The following SLC25A16 variants were observed in gnomAD, a reference collection of about 807,000 sequenced individuals.
The protein encoded by SLC25A16 is solute carrier family 25 member 16.
In SLC25A16, 39 loss-of-function variants were observed where a neutral mutation model predicts 41.5. The ratio of observed to expected loss-of-function variants is 0.94; its 90% confidence interval spans 0.73 to 1.23. The LOEUF is 1.23. Among genes scored for constraint, SLC25A16 ranks in the 50% most tolerant of loss-of-function variants. The pLI, the probability that SLC25A16 is intolerant of heterozygous loss-of-function variation, is 0.00. For missense variants in SLC25A16, 421 were observed against 426.9 expected (o/e 0.99, Z 0.12); for synonymous variants, 146 against 147.8 (o/e 0.99, Z 0.09).
intron 1 of SLC25A16, among the ~76,000 whole-genome samples, chr10:68,525,565 T>C (rs931075112): frequency 6.6e-6 from 1 of 152,188 alleles, no homozygotes; most frequent in African/African-American, 2.4e-5. Context: ...GCAGTCTTCC[T>C]GCCTCAGCTT....
chr10:68,484,392 T>G (rs187298005), intron 8 of SLC25A16, among the ~76,000 whole-genome samples: 17 of 151,672 alleles, frequency 1.1e-4, no homozygotes, highest in Non-Finnish European at 1.9e-4. Flanking sequence ...TCCCTTTCAA[T>G]AGGCAATCTG....
At position 68,494,393 on chromosome 10, in the gene SLC25A16, C is replaced by T. The variant is rs1225569418; in HGVS notation, c.422-823G>A. On this transcript the variant is annotated intron_variant, in intron 4 of 8. Coordinates refer to ENST00000609923, the MANE Select transcript of SLC25A16 (RefSeq NM_152707.4). ...AGGAGAATCACTTGAACCCAGGAGGCGGAGGTTGCAGTGAGCTAAGATCAC... is the reference window on the plus strand; with the variant it reads ...AGGAGAATCACTTGAACCCAGGAGGTGGAGGTTGCAGTGAGCTAAGATCAC... 1.1e-4 allele frequency among the ~76,000 whole-genome samples: 16 copies of T among 139,948 alleles called. 1 individual carries two copies. The highest frequency in any genetic ancestry group is 2.0e-4 in the Non-Finnish European group (13 of 64,162). The allele number at this position is 139,948 out of a possible 152,430, so 91.8% of individuals were successfully genotyped here. A position where few individuals can be genotyped will look rare whatever the true frequency, so the allele number is the denominator to read the frequency against.
chr10:68,504,773 C>A (rs570765936), intron 3 of SLC25A16, among the ~76,000 whole-genome samples: 1 of 152,058 alleles, frequency 6.6e-6, no homozygotes, highest in South Asian at 2.1e-4. Context: ...CTCCGTATCC[C>A]GGGTTCAAGC....
At chr10:68,503,588 G>A (rs377392951) in intron 4 of SLC25A16, 44 bp downstream of exon 4, 2 of 1,251,580 alleles carry the variant, frequency 1.6e-6, no homozygotes, top group African/African-American at 1.5e-5. Context: ...TATTTTAATA[G>A]AAAATTAATT....
At chr10:68,523,359 C>T (rs2053280101) in intron 1 of SLC25A16, among the ~76,000 whole-genome samples, 1 of 152,094 alleles carries the variant, frequency 6.6e-6, no homozygotes, top group African/African-American at 2.4e-5. Context: ...TCCCAAAGTG[C>T]TGAGAATAGA....
chr10:68,519,845 G>T (rs990564075), intron 1 of SLC25A16, among the ~76,000 whole-genome samples: 3 of 151,378 alleles, frequency 2.0e-5, no homozygotes, highest in African/African-American at 7.3e-5. Flanking sequence ...AACCCGGGAG[G>T]CATAGGTGGC....
chr10:68,494,246 T>G (rs1217824262), intron 4 of SLC25A16, among the ~76,000 whole-genome samples: 2 of 151,298 alleles, frequency 1.3e-5, no homozygotes, highest in South Asian at 2.1e-4. Flanking sequence ...AGGTGGATTA[T>G]GAGGTCAAGA....
chr10:68,503,822 C>T (rs10823215), intron 3 of SLC25A16, 127 bp from the exon 4 acceptor site: 108,831 of 669,644 alleles, frequency 0.16, 10,072 homozygotes, highest in Admixed American at 0.32. Context: ...TAAATGTGAA[C>T]GAAATGAGCA....
chr10:68,510,645 C>G (rs1290937065), intron 2 of SLC25A16, among the ~76,000 whole-genome samples: 1 of 151,824 alleles, frequency 6.6e-6, no homozygotes, highest in Non-Finnish European at 1.5e-5. Context: ...TCGAGACTAT[C>G]CTGGCTAACA....
In SLC25A16 at chr10:68,483,336, A is replaced by T. The variant is rs2052507391; in HGVS notation, c.*96T>A. The T allele has an allele frequency of 1.3e-6, 1 of 790,906 alleles. No homozygotes were observed. The highest frequency in any genetic ancestry group is 2.0e-6 in the Non-Finnish European group (1 of 509,680). The allele number at this position is 790,906 out of a possible 1,614,324, so 49.0% of individuals were successfully genotyped here. A position where few individuals can be genotyped will look rare whatever the true frequency, so the allele number is the denominator to read the frequency against. On this transcript the variant is annotated 3_prime_UTR_variant, in exon 9 of 9. Coordinates refer to ENST00000609923, the MANE Select transcript of SLC25A16 (RefSeq NM_152707.4). ...TACCAGTGGCTCTTGTGACAGGGTAAATATCCCCATTCAAGTAATGTTCCC... is the reference window on the plus strand; with the variant it reads ...TACCAGTGGCTCTTGTGACAGGGTATATATCCCCATTCAAGTAATGTTCCC...
chr10:68,489,699 G>C (rs574353437), intron 6 of SLC25A16, among the ~76,000 whole-genome samples: 1 of 152,214 alleles, frequency 6.6e-6, no homozygotes, highest in East Asian at 1.9e-4. Flanking sequence ...TCAGGAGTTT[G>C]AGACCATCCT....
chr10:68,502,459 T>C (rs2052865526), intron 4 of SLC25A16, among the ~76,000 whole-genome samples: 1 of 151,384 alleles, frequency 6.6e-6, no homozygotes, highest in African/African-American at 2.4e-5. Flanking sequence ...ACTAATGTCC[T>C]AACTCCCAAA....
intron 1 of SLC25A16, among the ~76,000 whole-genome samples, chr10:68,525,764 A>C (rs1223205883): frequency 6.6e-6 from 1 of 152,188 alleles, no homozygotes; most frequent in Non-Finnish European, 1.5e-5. Flanking sequence ...ACTAAGAAAA[A>C]TTCTTCTGCC....
At chr10:68,499,720 A>G (rs1357061678) in intron 4 of SLC25A16, 1 of 399,950 alleles carries the variant, frequency 2.5e-6, no homozygotes, top group African/African-American at 2.1e-5. Context: ...AGGACACTAT[A>G]AAGGTCAGCA....
At chr10:68,521,109 GGT>G (rs1447181781) in intron 1 of SLC25A16, among the ~76,000 whole-genome samples, 1 of 150,288 alleles carries the variant, frequency 6.7e-6, no homozygotes, top group Non-Finnish European at 1.5e-5. Flanking sequence ...ACTCCAGCCT[GGT>G]GACAAAGTGA....
In SLC25A16 at chr10:68,484,209, A is replaced by T. The variant is rs182202634; in HGVS notation, c.843-621T>A. On this transcript the variant is annotated intron_variant, in intron 8 of 8. Coordinates refer to ENST00000609923, the MANE Select transcript of SLC25A16 (RefSeq NM_152707.4). The stretch of plus-strand genomic sequence containing the variant: ...AATACTAATGCAATCCTTTTAAAGG[A>T]TGTATATCCAGTTGCCCTTTAAGCC... 3.8e-4 allele frequency among the ~76,000 whole-genome samples: 58 copies of T among 152,248 alleles called. No individual in the cohort carries two copies. The East Asian group carries it at 9.1e-3, about 24-fold the overall frequency.
intron 6 of SLC25A16, among the ~76,000 whole-genome samples, chr10:68,492,166 G>T (rs1012909766): frequency 3.3e-5 from 5 of 152,208 alleles, no homozygotes; most frequent in African/African-American, 1.2e-4. Flanking sequence ...AATATAACCT[G>T]AAGTTAACTA....
At chr10:68,526,188 G>A (rs1225214072) in intron 1 of SLC25A16, among the ~76,000 whole-genome samples, 1 of 151,400 alleles carries the variant, frequency 6.6e-6, no homozygotes, top group Non-Finnish European at 1.5e-5. Flanking sequence ...CTGGGCAATG[G>A]AATGTCTCGG....
intron 1 of SLC25A16, among the ~76,000 whole-genome samples, chr10:68,520,501 C>T (rs1285277760): frequency 6.6e-6 from 1 of 152,054 alleles, no homozygotes; most frequent in Non-Finnish European, 1.5e-5. Context: ...CTTGGTGAAA[C>T]CCCGTCTCTA....
Sources: gnomAD v4.1 joint callset for allele counts (sites outside exome capture counted in the v4.1 genomes callset) on GRCh38, gnomAD v4.1.1 for gene constraint, MANE v1.5 for transcripts, NCBI Gene and HGNC (gene_info 2026-07-23, HGNC 2026-07-21) for gene names.